The following KRT10 variants were observed in gnomAD, a reference collection of about 807,000 sequenced individuals.
The protein encoded by KRT10 is keratin, type I cytoskeletal 10.
In KRT10, 40 loss-of-function variants were observed where a neutral mutation model predicts 59.2. The observed-to-expected ratio is 0.68, with a 90% confidence interval of 0.52 to 0.88. The LOEUF is 0.88. Ranked by LOEUF, KRT10 falls within the 40% of genes least tolerant of loss-of-function variation. The pLI, the probability that KRT10 is intolerant of heterozygous loss-of-function variation, is 0.00. For synonymous variants in KRT10, 336 were observed against 310.7 expected (o/e 1.08, Z -0.86); for missense variants, 719 against 749.1 (o/e 0.96, Z 0.47).
In KRT10 at chr17:40,819,501, T is replaced by C. The variant is rs1284557508; in HGVS notation, c.1373+16A>G. 1 of 1,605,794 alleles carries C rather than the reference T, an allele frequency of 6.2e-7. No homozygotes were observed. Among genetic ancestry groups the C allele is most frequent in the Non-Finnish European group, 8.5e-7 (1 of 1,172,370 alleles). ...GAATAAAAGAAACTGGGATAACTTT[T>C]CATTTTAAAATTTACCTTCCCTCTC... On this transcript the variant is annotated intron_variant, in intron 6 of 7. Coordinates refer to ENST00000269576, the MANE Select transcript of KRT10 (RefSeq NM_000421.5).
chr17:40,821,018 A>G lies in KRT10; in HGVS notation c.710+17T>C, dbSNP rs368170805. Reference sequence around the variant, plus strand: ...GTATTCGTTGTGATAGTATTATACAACGATCACTTAACTTACTTCAGCCTG... The same window carrying G: ...GTATTCGTTGTGATAGTATTATACAGCGATCACTTAACTTACTTCAGCCTG... On this transcript the variant is annotated intron_variant, in intron 2 of 7. Coordinates refer to ENST00000269576, the MANE Select transcript of KRT10 (RefSeq NM_000421.5). 3 of 1,585,998 alleles carry G rather than the reference A, an allele frequency of 1.9e-6. No homozygotes were observed. The highest frequency in any genetic ancestry group is 1.3e-5 in the African/African-American group (1 of 74,326).
Position 40,819,002 on chromosome 17 carries a change from GCC to G in KRT10, c.1531_1532del (p.Gly511ArgfsTer69). 7.8e-7 allele frequency: 1 copy of G among 1,279,488 alleles called. No homozygotes were observed. Among genetic ancestry groups the G allele is most frequent in the South Asian group, 1.7e-5 (1 of 57,394 alleles). 79.3% of individuals were successfully genotyped at this position (1,279,488 alleles called of 1,614,324 possible). A position where few individuals can be genotyped will look rare whatever the true frequency, so the allele number is the denominator to read the frequency against. On this transcript the variant is annotated frameshift_variant, in exon 7 of 8. Coordinates refer to ENST00000269576, the MANE Select transcript of KRT10 (RefSeq NM_000421.5). LOFTEE classifies it high-confidence loss of function. ...CGCTGGAGCTTCCGCCCCCGTAGCC[GCC>G]GCCGGAGCTTCCGCCGCCGGAGCTT... ...GGSSGGGSSG[G>X]GYGGGSSSGG...
Position 40,819,066 on chromosome 17 carries a change from C to G in KRT10, c.1469G>C (p.Gly490Ala), listed in dbSNP as rs779461895. Residue 490 changes from glycine (G) to alanine (A), a missense_variant, in exon 7 of 8, where the codon GGC (glycine) becomes GCC (alanine). Coordinates refer to ENST00000269576, the MANE Select transcript of KRT10 (RefSeq NM_000421.5). ...GGSSGGGHGG[G>A]HGGSSGGGYG... Reference sequence around the variant, plus strand: ...GCCGCCGCCGGAACTGCCGCCGTGGCCGCCGCCGTGGCCGCCGCCGGAGCT... The same window carrying G: ...GCCGCCGCCGGAACTGCCGCCGTGGGCGCCGCCGTGGCCGCCGCCGGAGCT... The G allele has an allele frequency of 1.4e-6, 1 of 712,334 alleles. No homozygotes were observed. The highest frequency in any genetic ancestry group is 4.7e-5 in the Admixed American group (1 of 21,200). The allele number at this position is 712,334 out of a possible 1,614,324, so 44.1% of individuals were successfully genotyped here.
intron 5 of KRT10, 108 bp from the exon 6 acceptor site, chr17:40,819,842 A>G: frequency 8.5e-7 from 1 of 1,172,632 alleles, no homozygotes; most frequent in Non-Finnish European, 1.3e-6. Context: ...GAAAATGAAC[A>G]GAATTTGTTG....
rs971713927 is a variant in KRT10 at position 40,821,875 on chromosome 17, A to G, written c.627+84T>C. On this transcript the variant is annotated intron_variant, in intron 1 of 7. Transcript: ENST00000269576. ...AGTAACATGGGTAAGCATAGTGAAC[A>G]GCCACATTGTGCTTAATTTAAGATT... is the stretch of plus-strand genomic sequence containing the variant. 3.6e-6 allele frequency: 5 copies of G among 1,397,012 alleles called. No homozygotes were observed. In the African/African-American group the frequency reaches 7.1e-5, roughly 20 times the overall value. The allele number at this position is 1,397,012 out of a possible 1,614,324, so 86.5% of individuals were successfully genotyped here. A position where few individuals can be genotyped will look rare whatever the true frequency, so the allele number is the denominator to read the frequency against.
intron 6 of KRT10, 141 bp downstream of exon 6, chr17:40,819,376 G>T: frequency 1.6e-6 from 2 of 1,263,476 alleles, no homozygotes; most frequent in Non-Finnish European, 2.2e-6. Context: ...TGAGATTGCG[G>T]TTGCGTACTC....
In KRT10 at chr17:40,818,878, A is replaced by C; in HGVS notation, c.1657T>G (p.Ser553Ala). The C allele has an allele frequency of 6.5e-7, 1 of 1,530,424 alleles. No homozygotes were observed. Among genetic ancestry groups the C allele is most frequent in the Non-Finnish European group, 8.7e-7 (1 of 1,143,982 alleles). 94.8% of individuals were successfully genotyped at this position (1,530,424 alleles called of 1,614,324 possible). Reference protein sequence around the residue: ...GGGSSGGGSSSGGGYGGGSSS... With the variant: ...GGGSSGGGSSAGGGYGGGSSS... ...CTGCCGCCGCCGTATCCGCCGCCGG[A>C]GCTGCTGCCGCCGCCGGAGCTGCCG... The change falls in exon 7 of 8, where the codon TCC (serine) becomes GCC (alanine). Residue 553 changes from serine to alanine, a missense_variant. Coordinates refer to ENST00000269576, the MANE Select transcript of KRT10 (RefSeq NM_000421.5).
In KRT10 at chr17:40,819,521, C is replaced by T; in HGVS notation, c.1369G>A (p.Gly457Arg). 1.9e-6 allele frequency: 3 copies of T among 1,613,012 alleles called. No individual in the cohort carries two copies. The highest frequency in any genetic ancestry group is 2.2e-5 in the South Asian group (2 of 91,048). The change falls in exon 6 of 8, where the codon GGA (glycine) becomes AGA (arginine). Residue 457 changes from glycine (G) to arginine (R), a missense_variant. Around this residue, in one of 4 missense-constraint regions of KRT10, gnomAD observed 315 missense variants for 270.6 expected, o/e 1.16. Coordinates refer to ENST00000269576, the MANE Select transcript of KRT10 (RefSeq NM_000421.5). ...ACTTTTCATTTTAAAATTTACCTTC[C>T]CTCTCCTTCTAGCAGGCTGCGGTAG... ...QTYRSLLEGE[G>R]SSGGGGRGGG... is the part of the protein sequence containing the mutation.
At chr17:40,819,435 A>G in intron 6 of KRT10, 82 bp downstream of exon 6, 1 of 1,393,690 alleles carries the variant, frequency 7.2e-7, no homozygotes, top group Non-Finnish European at 1.0e-6. Context: ...ATTCTCTGGC[A>G]TCTTCTTGGG....
chr17:40,821,881 A>G (rs1905406334), intron 1 of KRT10, 78 bp downstream of exon 1: 3 of 1,465,996 alleles, frequency 2.0e-6, no homozygotes, highest in East Asian at 2.3e-5. Context: ...GAACAGCCAC[A>G]TTGTGCTTAA....
intron 2 of KRT10, 33 bp from the exon 3 acceptor site, chr17:40,820,700 A>G: frequency 1.2e-6 from 2 of 1,611,786 alleles, no homozygotes; most frequent in Non-Finnish European, 1.7e-6. Context: ...ACTGGTTATA[A>G]CTTATATAGG....
At chr17:40,821,686 A>G (rs1905393835) in intron 1 of KRT10, among the ~76,000 whole-genome samples, 1 of 151,924 alleles carries the variant, frequency 6.6e-6, no homozygotes. Flanking sequence ...AGCCTAGCAT[A>G]TTTTAACTGT....
chr17:40,818,171 A>G lies in KRT10; in HGVS notation c.*305T>C. On this transcript the variant is annotated 3_prime_UTR_variant, in exon 8 of 8. Coordinates refer to ENST00000269576, the MANE Select transcript of KRT10 (RefSeq NM_000421.5). ...AATTCATTAGTAAATGAGAACAGAA[A>G]GTTGTTTTTCTTTCCATTAAAGAAC... is the stretch of plus-strand genomic sequence containing the variant. 2.6e-6 allele frequency: 1 copy of G among 386,268 alleles called. No homozygotes were observed. Among genetic ancestry groups the G allele is most frequent in the Non-Finnish European group, 4.7e-6 (1 of 213,940 alleles). The allele number at this position is 386,268 out of a possible 1,614,324, so 23.9% of individuals were successfully genotyped here. A position where few individuals can be genotyped will look rare whatever the true frequency, so the allele number is the denominator to read the frequency against.
At position 40,819,089 on chromosome 17, in the gene KRT10, G is replaced by GCTTCCGCCGCCGTAGCCGCCGCCGAAA; in HGVS notation, c.1445_1446insTTTCGGCGGCGGCTACGGCGGCGGAAG (p.Ser482_Ser483insPheGlyGlyGlyTyrGlyGlyGlySer). The GCTTCCGCCGCCGTAGCCGCCGCCGAAA allele has an allele frequency of 1.4e-6, 2 of 1,441,986 alleles. No homozygotes were observed. Among genetic ancestry groups the GCTTCCGCCGCCGTAGCCGCCGCCGAAA allele is most frequent in the Non-Finnish European group, 1.8e-6 (2 of 1,094,912 alleles). The allele number at this position is 1,441,986 out of a possible 1,614,324, so 89.3% of individuals were successfully genotyped here. ...GGCCGCCGCCGTGGCCGCCGCCGGA[G>GCTTCCGCCGCCGTAGCCGCCGCCGAAA]CTTCCGCCGCCGGAGCTTCCGCCGC... is the stretch of plus-strand genomic sequence containing the variant. On this transcript the variant is annotated inframe_insertion, in exon 7 of 8. Coordinates refer to ENST00000269576, the MANE Select transcript of KRT10 (RefSeq NM_000421.5).
At chr17:40,820,892 A>G in intron 2 of KRT10, 143 bp downstream of exon 2, 1 of 893,080 alleles carries the variant, frequency 1.1e-6, no homozygotes, top group Non-Finnish European at 1.8e-6. Flanking sequence ...ACTGACATGG[A>G]AAATTTCTCA....
Position 40,819,043 on chromosome 17 carries a change from C to A in KRT10, c.1492G>T (p.Gly498Cys). ...GGGHGGSSGGGYGGGSSGGGS... is the reference protein window; with the variant it reads ...GGGHGGSSGGCYGGGSSGGGS... ...CCGCCGGAGCTTCCGCCTCCGTAGC[C>A]GCCGCCGGAACTGCCGCCGTGGCCG... Residue 498 changes from glycine to cysteine, a missense_variant, in exon 7 of 8, where the codon GGC becomes TGC. Gly to Cys is a radical substitution (Grantham distance 159, BLOSUM62 -3). This residue lies in a region of KRT10 where 315 missense variants were observed against 270.6 expected (regional missense o/e 1.16). Coordinates refer to ENST00000269576, the MANE Select transcript of KRT10 (RefSeq NM_000421.5). 1 of 1,344,174 alleles carries A rather than the reference C, an allele frequency of 7.4e-7. No individual in the cohort carries two copies. Among genetic ancestry groups the A allele is most frequent in the South Asian group, 1.5e-5 (1 of 65,720 alleles). 83.3% of individuals were successfully genotyped at this position (1,344,174 alleles called of 1,614,324 possible).
Position 40,822,162 on chromosome 17 carries a change from G to C in KRT10, c.424C>G (p.Leu142Val). The C allele has an allele frequency of 6.2e-7, 1 of 1,613,944 alleles. No individual in the cohort carries two copies. The highest frequency in any genetic ancestry group is 8.5e-7 in the Non-Finnish European group (1 of 1,179,978). ...ATGGTTACTTTTTCATTTCCAGAGAGAAGGCCACCATCTCCTCCAAATCCA... is the reference window on the plus strand; with the variant it reads ...ATGGTTACTTTTTCATTTCCAGAGACAAGGCCACCATCTCCTCCAAATCCA... ...GGGFGGDGGL[L>V]SGNEKVTMQN... The change falls in exon 1 of 8, where the codon CTC becomes GTC. Residue 142 changes from leucine to valine, a missense_variant. Coordinates refer to ENST00000269576, the MANE Select transcript of KRT10 (RefSeq NM_000421.5).
Position 40,822,562 on chromosome 17 carries a change from G to C in KRT10, c.24C>G (p.Ser8Arg). Reference sequence around the variant, plus strand: ...CACTGCGGGAGGAAGAGTAGTGCTTGCTTGAGCTGTATCGAACAGACATGG... The same window carrying C: ...CACTGCGGGAGGAAGAGTAGTGCTTCCTTGAGCTGTATCGAACAGACATGG... MSVRYSS[S>R]KHYSSSRSGG... The change falls in exon 1 of 8, where the codon AGC becomes AGG. Residue 8 changes from serine to arginine, a missense_variant. By Grantham distance (110) the Ser-to-Arg change is moderately radical (BLOSUM62 -1). This residue lies in a region of KRT10 where 176 missense variants were observed against 175.7 expected (regional missense o/e 1.00). Transcript: ENST00000269576. 2 of 1,603,540 alleles carry C rather than the reference G, an allele frequency of 1.2e-6. No homozygotes were observed. The highest frequency in any genetic ancestry group is 1.7e-6 in the Non-Finnish European group (2 of 1,179,956).
Position 40,820,519 on chromosome 17 carries a change from G to A in KRT10, c.859C>T (p.His287Tyr), listed in dbSNP as rs150918499. The A allele has an allele frequency of 6.2e-7, 1 of 1,614,030 alleles. No individual in the cohort carries two copies. The highest frequency in any genetic ancestry group is 8.5e-7 in the Non-Finnish European group (1 of 1,180,046). Residue 287 changes from histidine (H) to tyrosine (Y), a missense_variant, in exon 3 of 8, where the codon CAC becomes TAC. By Grantham distance (83) the His-to-Tyr change is moderately conservative. Transcript: ENST00000269576. ...TATAACTTTTGTGTCACCTCCTCGT[G>A]GTTCTTCTTCAGATAGGCCAGCTCT... ...TEELAYLKKN[H>Y]EEEMKDLRNV...
Sources: allele counts gnomAD v4.1 joint callset (sites outside exome capture counted in the v4.1 genomes callset), GRCh38; gene constraint gnomAD v4.1.1; regional missense constraint gnomAD v4.1.1; transcripts MANE v1.5; gene names NCBI Gene and HGNC (gene_info 2026-07-23, HGNC 2026-07-21).